Variants in LYRM4 observed in about 807,000 individuals in gnomAD.
LYRM4 encodes the protein LYR motif containing 4.
A neutral mutation model predicts 11.7 loss-of-function variants in LYRM4; 9 were observed. That is an observed-to-expected ratio of 0.77 (90% CI 0.46 to 1.34). The LOEUF (loss-of-function observed/expected upper bound fraction) is 1.34. Ranked by LOEUF, LYRM4 falls within the 40% of genes most tolerant of loss-of-function variation. The probability of loss-of-function intolerance (pLI) is 0.00; values close to 1 mark genes in which losing one functional copy is unlikely to be tolerated. For missense variants in LYRM4, 133 were observed against 112.5 expected (o/e 1.18, Z -0.82); for synonymous variants, 42 against 40.4 (o/e 1.04, Z -0.15).
chr6:5,098,637 A>G (rs775379394), downstream of LYRM4, among the ~76,000 whole-genome samples: 13 of 152,212 alleles, frequency 8.5e-5, no homozygotes, highest in African/African-American at 1.9e-4. Context: ...AAAGCTGGAA[A>G]CAATGCATGC....
In LYRM4 at chr6:5,240,261, T is replaced by C. The variant is rs568991011; in HGVS notation, c.86+20387A>G. On this transcript the variant is annotated intron_variant, in intron 1 of 2. Transcript: ENST00000330636. ...CTCCTATCTTTCCTTTCTCTTCATT[T>C]TTTCTGCCATCCATTATTACTACTC... Among the ~76,000 whole-genome samples the C allele has an allele frequency of 1.6e-4, 24 of 152,234 alleles. 1 individual carries two copies. In the South Asian group the frequency reaches 5.0e-3, roughly 32 times the overall value.
chr6:5,085,113 G>A, the LYRM4 span: 6 of 261,440 alleles, frequency 2.3e-5, no homozygotes, highest in East Asian at 2.9e-4. Flanking sequence ...AGGGCTGCAG[G>A]GAGCCCGCGA....
the LYRM4 span, among the ~76,000 whole-genome samples, chr6:5,084,306 C>T: frequency 6.6e-6 from 1 of 152,366 alleles, no homozygotes; most frequent in South Asian, 2.1e-4. Flanking sequence ...CACCCCTCCC[C>T]GGCCTCAGGT....
downstream of LYRM4, chr6:5,103,310 G>C (rs190259290): frequency 6.6e-6 from 1 of 152,190 alleles, no homozygotes; most frequent in Non-Finnish European, 1.5e-5. Context: ...TCTTCTGTTC[G>C]TAATAATGAA....
At chr6:5,186,048 G>T (rs1028428268) in intron 2 of LYRM4, among the ~76,000 whole-genome samples, 3 of 152,192 alleles carry the variant, frequency 2.0e-5, no homozygotes, top group Non-Finnish European at 4.4e-5. Flanking sequence ...TGGAACCCTG[G>T]GTATCTGTGC....
At chr6:5,170,363 G>A (rs1457571436) in intron 2 of LYRM4, among the ~76,000 whole-genome samples, 1 of 151,398 alleles carries the variant, frequency 6.6e-6, no homozygotes, top group African/African-American at 2.4e-5. Flanking sequence ...GTGTGTGTAT[G>A]TGCACATATA....
chr6:5,130,433 G>T (rs899363981), intron 2 of LYRM4, among the ~76,000 whole-genome samples: 9 of 152,248 alleles, frequency 5.9e-5, no homozygotes, highest in Non-Finnish European at 1.3e-4. Flanking sequence ...ACTGGCAGCT[G>T]CCGCCACTGC....
chr6:5,095,221 G>A, the LYRM4 span, among the ~76,000 whole-genome samples: 2 of 152,150 alleles, frequency 1.3e-5, no homozygotes, highest in Non-Finnish European at 2.9e-5. Flanking sequence ...GAGCCCCTGG[G>A]TGCTGCTAAA....
At chr6:5,119,861 T>C (rs1763339762) in intron 2 of LYRM4, among the ~76,000 whole-genome samples, 1 of 150,242 alleles carries the variant, frequency 6.7e-6, no homozygotes. Flanking sequence ...TCTCTTTCTG[T>C]GGCATCTGTG....
chr6:5,228,870 G>T (rs1029438594), intron 1 of LYRM4, among the ~76,000 whole-genome samples: 2 of 151,228 alleles, frequency 1.3e-5, no homozygotes, highest in African/African-American at 4.9e-5. Flanking sequence ...CGGGCGTGGT[G>T]GCGGGCACCT....
chr6:5,090,832 G>A, the LYRM4 span, among the ~76,000 whole-genome samples: 2 of 152,090 alleles, frequency 1.3e-5, no homozygotes, highest in African/African-American at 4.8e-5. The surrounding 1 kb of genome is among the most constrained non-coding windows in gnomAD (Gnocchi z 4.8). Context: ...CTAGCACAAC[G>A]GTTTCTATTT....
rs1762286617 is a variant in LYRM4 at position 5,216,615 on chromosome 6, T to G, written c.207+3A>C. The G allele has an allele frequency of 6.2e-7, 1 of 1,613,930 alleles. No homozygotes were observed. Among genetic ancestry groups the G allele is most frequent in the Non-Finnish European group, 8.5e-7 (1 of 1,180,028 alleles). ...AAAACAGTACATCATTGAACCATCT[T>G]ACCTGTCGACGAATTACTCCAAGGT... On this transcript the variant is annotated splice_donor_region_variant and intron_variant, in intron 2 of 2. Coordinates refer to ENST00000330636, the MANE Select transcript of LYRM4 (RefSeq NM_020408.6).
chr6:5,193,063 C>G (rs902260813), intron 2 of LYRM4, among the ~76,000 whole-genome samples: 5 of 152,134 alleles, frequency 3.3e-5, no homozygotes, highest in African/African-American at 7.2e-5. Context: ...TAAGAGCTTA[C>G]TCTTGGATTT....
the LYRM4 span, chr6:5,031,820 A>C: frequency 2.0e-5 from 3 of 152,194 alleles, no homozygotes; most frequent in Non-Finnish European, 4.4e-5. Flanking sequence ...CCTGTTATTT[A>C]CATCATATAC....
chr6:5,252,087 T>C (rs528137612), intron 1 of LYRM4, among the ~76,000 whole-genome samples: 1 of 152,320 alleles, frequency 6.6e-6, no homozygotes, highest in East Asian at 1.9e-4. Flanking sequence ...AGCACTTAGG[T>C]TGATCAGGAC....
chr6:5,078,132 G>A, the LYRM4 span, among the ~76,000 whole-genome samples: 11 of 151,996 alleles, frequency 7.2e-5, no homozygotes, highest in African/African-American at 2.7e-4. Flanking sequence ...TGGAGAAGCC[G>A]AAGAGATTAA....
the LYRM4 span, among the ~76,000 whole-genome samples, chr6:5,074,330 G>C: frequency 6.6e-6 from 1 of 150,636 alleles, no homozygotes; most frequent in Non-Finnish European, 1.5e-5. Context: ...GCAAAAAGTT[G>C]GTAAAATTTG....
chr6:5,085,069 G>T, the LYRM4 span: 1 of 192,660 alleles, frequency 5.2e-6, no homozygotes, highest in Non-Finnish European at 1.0e-5. Context: ...CTCAAGAAGC[G>T]GAACAGACGC....
At chr6:5,098,750 T>C (rs376334), downstream of LYRM4, among the ~76,000 whole-genome samples, 66,050 of 152,020 alleles carry the variant, frequency 0.43, 16,526 homozygotes, top group East Asian at 0.8. Context: ...ATCAGTACCA[T>C]GGCGGGCAGA....
Sources: gnomAD v4.1 joint callset for allele counts (sites outside exome capture counted in the v4.1 genomes callset) on GRCh38, gnomAD v4.1.1 for gene constraint, Gnocchi (gnomAD v3.1) non-coding constraint, MANE v1.5 for transcripts, NCBI Gene and HGNC (gene_info 2026-07-23, HGNC 2026-07-21) for gene names.